The following ESRRG variants were observed in gnomAD, a reference collection of about 807,000 sequenced individuals.
The protein encoded by ESRRG is estrogen related receptor gamma.
ESRRG carries 13 observed loss-of-function variants against 44.0 expected under a neutral mutation model. That is an observed-to-expected ratio of 0.30 (90% CI 0.19 to 0.47). ESRRG has a LOEUF of 0.47. Ranked by LOEUF, ESRRG falls within the 20% of genes least tolerant of loss-of-function variation. The pLI, the probability that ESRRG is intolerant of heterozygous loss-of-function variation, is 1.00. For synonymous variants in ESRRG, 215 were observed against 214.6 expected (o/e 1.00, Z -0.02); for missense variants, 395 against 580.6 (o/e 0.68, Z 3.29).
chr1:216,932,827 C>G (rs996735144), intron 2 of ESRRG, among the ~76,000 whole-genome samples: 1 of 148,886 alleles, frequency 6.7e-6, no homozygotes, highest in East Asian at 2.0e-4. Context: ...TTTGGCCTCC[C>G]AAAGTGCTAG....
intron 2 of ESRRG, among the ~76,000 whole-genome samples, chr1:216,762,447 T>C (rs940063909): frequency 1.3e-5 from 2 of 150,132 alleles, no homozygotes; most frequent in African/African-American, 2.5e-5. Context: ...CAGTAAACTA[T>C]CACAAGAACA....
At chr1:217,015,319 A>G (rs2079181272) in intron 1 of ESRRG, among the ~76,000 whole-genome samples, 1 of 152,200 alleles carries the variant, frequency 6.6e-6, no homozygotes, top group Admixed American at 6.5e-5. Flanking sequence ...GTTAAGGGCC[A>G]TCATCCAGAC....
At chr1:216,847,016 C>T (rs1402040876) in intron 2 of ESRRG, among the ~76,000 whole-genome samples, 1 of 152,036 alleles carries the variant, frequency 6.6e-6, no homozygotes, top group Non-Finnish European at 1.5e-5. Context: ...AACATTCCTT[C>T]CAGGTAAATA....
intron 1 of ESRRG, among the ~76,000 whole-genome samples, chr1:217,067,447 G>A (rs1275796307): frequency 6.6e-6 from 1 of 152,154 alleles, no homozygotes; most frequent in Non-Finnish European, 1.5e-5. Context: ...CTAATAGCTT[G>A]ACACTCTAAA....
At chr1:216,970,640 C>T (rs2071448419) in intron 1 of ESRRG, among the ~76,000 whole-genome samples, 1 of 152,116 alleles carries the variant, frequency 6.6e-6, no homozygotes, top group Non-Finnish European at 1.5e-5. Context: ...TTATCTGCAT[C>T]CCAGAAACTC....
chr1:216,752,202 TA>T (rs1162672200), intron 2 of ESRRG, among the ~76,000 whole-genome samples: 4 of 152,064 alleles, frequency 2.6e-5, no homozygotes, highest in South Asian at 2.1e-4. Context: ...AAAAATCCAG[TA>T]AAAAAAATGT....
intron 2 of ESRRG, among the ~76,000 whole-genome samples, chr1:216,778,938 A>G (rs2093715624): frequency 6.6e-6 from 1 of 150,738 alleles, no homozygotes; most frequent in South Asian, 2.1e-4. Context: ...ACAGTGAATC[A>G]GCAATGTTAA....
intron 3 of ESRRG, among the ~76,000 whole-genome samples, chr1:216,647,677 T>C (rs2067935974): frequency 6.6e-6 from 1 of 152,190 alleles, no homozygotes; most frequent in African/African-American, 2.4e-5. Flanking sequence ...AGATATCTTC[T>C]CAAAGTGAGA....
chr1:216,628,357 CA>C (rs2063539455), intron 3 of ESRRG, among the ~76,000 whole-genome samples: 2 of 152,168 alleles, frequency 1.3e-5, no homozygotes, highest in Admixed American at 1.3e-4. Context: ...TGGGCTCAAG[CA>C]AACCTCCTTT....
chr1:216,533,275 A>T (rs1242392862), intron 5 of ESRRG, among the ~76,000 whole-genome samples: 1 of 151,580 alleles, frequency 6.6e-6, no homozygotes, highest in African/African-American at 2.4e-5. Context: ...GATGAAAAAA[A>T]AATAAAAGGT....
chr1:216,814,586 T>C (rs182784520), intron 2 of ESRRG, among the ~76,000 whole-genome samples: 173 of 152,352 alleles, frequency 1.1e-3, no homozygotes, highest in African/African-American at 4.0e-3. Context: ...TTTTTTAACC[T>C]AACCATGTAA....
At chr1:216,661,123 AATG>A (rs1450696478) in intron 2 of ESRRG, among the ~76,000 whole-genome samples, 3 of 152,190 alleles carry the variant, frequency 2.0e-5, no homozygotes, top group Non-Finnish European at 4.4e-5. Context: ...GTTCTGATAT[AATG>A]ATGTCTTCTT....
At chr1:217,108,343 G>A (rs144596284) in intron 1 of ESRRG, among the ~76,000 whole-genome samples, 25 of 152,174 alleles carry the variant, frequency 1.6e-4, no homozygotes, top group Non-Finnish European at 2.4e-4. Flanking sequence ...GCAGCTCTCC[G>A]ATGGTATTTG....
intron 1 of ESRRG, among the ~76,000 whole-genome samples, chr1:217,023,890 G>T (rs2080759779): frequency 6.6e-6 from 1 of 152,210 alleles, no homozygotes; most frequent in Non-Finnish European, 1.5e-5. Context: ...AAGTCACCAT[G>T]CATGGCAATG....
intron 1 of ESRRG, among the ~76,000 whole-genome samples, chr1:217,115,557 C>T (rs750813835): frequency 3.3e-5 from 5 of 152,120 alleles, no homozygotes; most frequent in African/African-American, 4.8e-5. Context: ...ACATACCAGG[C>T]ATGCTCCTCC....
intron 1 of ESRRG, among the ~76,000 whole-genome samples, chr1:217,016,490 T>C (rs1014516324): frequency 6.6e-6 from 1 of 152,164 alleles, no homozygotes; most frequent in Non-Finnish European, 1.5e-5. Flanking sequence ...GTTATTATTA[T>C]TGTTTTCATC....
In ESRRG at chr1:216,577,493, TA is replaced by T. The variant is rs2061897015; in HGVS notation, c.590-9396del. 2.6e-5 allele frequency among the ~76,000 whole-genome samples: 4 copies of T among 152,178 alleles called. No homozygotes were observed. In the South Asian group the frequency reaches 8.3e-4, roughly 32 times the overall value. On this transcript the variant is annotated intron_variant, in intron 3 of 6. Coordinates refer to ENST00000408911, the MANE Select transcript of ESRRG (RefSeq NM_001438.4). ...AGAAGTGATTCTACTAATTCACAAT[TA>T]AATGTGACACTGGCAGCAATAAGTT...
intron 6 of ESRRG, among the ~76,000 whole-genome samples, chr1:216,513,181 TG>T (rs2043212131): frequency 6.6e-6 from 1 of 152,194 alleles, no homozygotes; most frequent in Non-Finnish European, 1.5e-5. Context: ...TATGTGTTTT[TG>T]TGTTTTCTTT....
chr1:216,913,533 G>T (rs2060753102), intron 2 of ESRRG, among the ~76,000 whole-genome samples: 1 of 152,160 alleles, frequency 6.6e-6, no homozygotes, highest in African/African-American at 2.4e-5. Context: ...TATCATTATT[G>T]CTTCACATAA....
Sources: gnomAD v4.1 joint callset for allele counts (sites outside exome capture counted in the v4.1 genomes callset) on GRCh38, gnomAD v4.1.1 for gene constraint, MANE v1.5 for transcripts, NCBI Gene and HGNC (gene_info 2026-07-23, HGNC 2026-07-21) for gene names.